SMARCC1: variants seen among roughly 807,000 people sequenced by gnomAD.
SMARCC1 encodes SWI/SNF complex subunit SMARCC1.
In SMARCC1, 43 loss-of-function variants were observed where a neutral mutation model predicts 147.4. That is an observed-to-expected ratio of 0.29 (90% confidence interval 0.23 to 0.38). The LOEUF (loss-of-function observed/expected upper bound fraction) is 0.38. Ranked by LOEUF, SMARCC1 falls within the 10% of genes least tolerant of loss-of-function variation. The pLI is 1.00. For synonymous variants in SMARCC1, 495 were observed against 484.4 expected (o/e 1.02, Z -0.29); for missense variants, 1,119 against 1,381.1 (o/e 0.81, Z 3.01).
At chr3:47,648,679 C>T (rs536919006) in intron 21 of SMARCC1, among the ~76,000 whole-genome samples, 7 of 152,096 alleles carry the variant, frequency 4.6e-5, no homozygotes, top group East Asian at 3.9e-4. Context: ...CAGTTGTGAG[C>T]GACCACACCT....
intron 14 of SMARCC1, among the ~76,000 whole-genome samples, chr3:47,680,912 T>C (rs1013258448): frequency 3.3e-5 from 5 of 152,176 alleles, no homozygotes. Context: ...ATCCAAAACC[T>C]GAGTACTGCT....
intron 19 of SMARCC1, 164 bp downstream of exon 19, chr3:47,670,494 G>A: frequency 1.6e-6 from 1 of 611,530 alleles, no homozygotes; most frequent in Non-Finnish European, 3.0e-6. Flanking sequence ...GAAGGTAAGA[G>A]GATCGCCTGA....
chr3:47,739,140 G>A (rs2034478586), intron 3 of SMARCC1, among the ~76,000 whole-genome samples: 1 of 152,190 alleles, frequency 6.6e-6, no homozygotes, highest in Admixed American at 6.5e-5. Flanking sequence ...GTAGAGCTTA[G>A]TGACTGAAAG....
rs1286567684 is a variant in SMARCC1, at chr3:47,590,727, C to T, written c.3154G>A (p.Gly1052Ser). The change falls in exon 27 of 28, where the codon GGC (glycine) becomes AGC (serine). Residue 1052 changes from glycine to serine, a missense_variant. Around this residue, in one of 6 missense-constraint regions of SMARCC1, gnomAD observed 186 missense variants for 216.5 expected, o/e 0.86. Coordinates refer to ENST00000254480, the MANE Select transcript of SMARCC1 (RefSeq NM_003074.4). ...ATGTTTCCTGGCATTGGTGGCATGCCAGGAGGGGTAGGGCCACTCCCAGAG... is the reference window on the plus strand; with the variant it reads ...ATGTTTCCTGGCATTGGTGGCATGCTAGGAGGGGTAGGGCCACTCCCAGAG... ...HPSGSGPTPP[G>S]MPPMPGNILG... The T allele has an allele frequency of 3.1e-6, 5 of 1,588,828 alleles. No homozygotes were observed. The highest frequency in any genetic ancestry group is 4.3e-6 in the Non-Finnish European group (5 of 1,170,744).
chr3:47,659,292 AG>A (rs2033307535), intron 21 of SMARCC1, among the ~76,000 whole-genome samples: 2 of 150,904 alleles, frequency 1.3e-5, no homozygotes, highest in Non-Finnish European at 1.5e-5. Context: ...TAAAAAAAAA[AG>A]AAAAAAAAAA....
intron 25 of SMARCC1, among the ~76,000 whole-genome samples, chr3:47,612,116 G>A (rs2032572970): frequency 1.3e-5 from 2 of 152,158 alleles, no homozygotes; most frequent in African/African-American, 4.8e-5. Flanking sequence ...TGTGCATGAT[G>A]AGAAGGGAGA....
chr3:47,659,975 T>C (rs527378114), intron 21 of SMARCC1, among the ~76,000 whole-genome samples: 4 of 152,018 alleles, frequency 2.6e-5, no homozygotes, highest in East Asian at 1.9e-4. Flanking sequence ...GAACATAAAA[T>C]GGTATAGCCA....
intron 5 of SMARCC1, among the ~76,000 whole-genome samples, chr3:47,732,242 T>C (rs1376643125): frequency 1.3e-5 from 2 of 152,212 alleles, no homozygotes; most frequent in East Asian, 3.8e-4. Flanking sequence ...CCTCTCTCTC[T>C]CAGCCTTCAC....
At chr3:47,776,150 A>C (rs1034764201) in intron 1 of SMARCC1, among the ~76,000 whole-genome samples, 1 of 152,116 alleles carries the variant, frequency 6.6e-6, no homozygotes, top group Admixed American at 6.6e-5. Flanking sequence ...TCCGTCTCAA[A>C]CGAGAAAAAA....
At chr3:47,695,006 T>C (rs1012611022) in intron 11 of SMARCC1, among the ~76,000 whole-genome samples, 2 of 152,256 alleles carry the variant, frequency 1.3e-5, no homozygotes, top group Admixed American at 6.5e-5. Context: ...ACCTCAATTA[T>C]GTAACAGTGA....
chr3:47,669,347 G>A (rs1021449473), intron 19 of SMARCC1, among the ~76,000 whole-genome samples: 2 of 152,182 alleles, frequency 1.3e-5, no homozygotes, highest in African/African-American at 2.4e-5. Context: ...AAGAACAACT[G>A]TTGCTCCAGT....
rs775759680 is a variant in SMARCC1 at position 47,671,173 on chromosome 3, CAAAAAAA to C, written c.1840-463_1840-457del. ...CCTGGGCAACAGAGCGAGACTATCT[CAAAAAAA>C]AAAAAAAAAAAAAAAAAACACACAC... On this transcript the variant is annotated intron_variant, in intron 18 of 27. Transcript: ENST00000254480. 1.2e-3 allele frequency among the ~76,000 whole-genome samples: 36 copies of C among 29,240 alleles called. 2 individuals are homozygous for C. Among genetic ancestry groups the C allele is most frequent in the East Asian group, 3.3e-3 (3 of 898 alleles). 19.2% of individuals were successfully genotyped at this position (29,240 alleles called of 152,430 possible). A position where few individuals can be genotyped will look rare whatever the true frequency, so the allele number is the denominator to read the frequency against.
chr3:47,768,440 G>C (rs896207454), intron 2 of SMARCC1, among the ~76,000 whole-genome samples: 1 of 152,122 alleles, frequency 6.6e-6, no homozygotes, highest in African/African-American at 2.4e-5. Flanking sequence ...TAGTTCCCAG[G>C]AGTCAAATAG....
chr3:47,708,016 G>A (rs909472321), intron 9 of SMARCC1, among the ~76,000 whole-genome samples: 6 of 139,278 alleles, frequency 4.3e-5, no homozygotes, highest in African/African-American at 1.6e-4. Context: ...TGTAATAGCA[G>A]TTTGAAAAAA....
At chr3:47,660,856 C>G (rs1474999976) in intron 21 of SMARCC1, among the ~76,000 whole-genome samples, 1 of 152,134 alleles carries the variant, frequency 6.6e-6, no homozygotes, top group Non-Finnish European at 1.5e-5. Flanking sequence ...AGGTTATATA[C>G]TTTTAAGCAG....
rs531133009 is a variant in SMARCC1, at chr3:47,647,626, C to T, written c.2321-8846G>A. Among the ~76,000 whole-genome samples, 23 of 152,238 alleles carry T rather than the reference C, an allele frequency of 1.5e-4. No homozygotes were observed. The South Asian group carries it at 4.8e-3, about 32-fold the overall frequency. ...TTAAGAGTATAAAGGAGTCCTGAGG[C>T]CAAAAACTTGGGAGAACTTAGTCTC... On this transcript the variant is annotated intron_variant, in intron 21 of 27. Coordinates refer to ENST00000254480, the MANE Select transcript of SMARCC1 (RefSeq NM_003074.4).
intron 25 of SMARCC1, 67 bp from the exon 26 acceptor site, chr3:47,610,394 G>A (rs2032548037): frequency 6.4e-7 from 1 of 1,551,978 alleles, no homozygotes; most frequent in Non-Finnish European, 8.9e-7. Context: ...TAACACAAAG[G>A]ACAACTACAT....
At chr3:47,698,791 T>A (rs1223465091) in intron 11 of SMARCC1, among the ~76,000 whole-genome samples, 1 of 152,094 alleles carries the variant, frequency 6.6e-6, no homozygotes, top group South Asian at 2.1e-4. Flanking sequence ...TTACTCAATT[T>A]CAATACTTAC....
At chr3:47,604,146 G>A (rs1475926316) in intron 26 of SMARCC1, 4 of 456,588 alleles carry the variant, frequency 8.8e-6, no homozygotes, top group Admixed American at 4.7e-5. Context: ...CTAGAAGTCC[G>A]TAAGTGTTTA....
Sources: allele counts gnomAD v4.1 joint callset (sites outside exome capture counted in the v4.1 genomes callset), GRCh38; gene constraint gnomAD v4.1.1; regional missense constraint gnomAD v4.1.1; transcripts MANE v1.5; gene names NCBI Gene and HGNC (gene_info 2026-07-23, HGNC 2026-07-21).